POLQ: variants seen among roughly 807,000 people sequenced by gnomAD.
POLQ encodes the protein DNA polymerase theta.
A neutral mutation model predicts 259.2 loss-of-function variants in POLQ; 233 were observed. The observed-to-expected ratio is 0.90, with a 90% CI of 0.81 to 1.00. The LOEUF (loss-of-function observed/expected upper bound fraction) is 1.00. Among genes scored for constraint, POLQ ranks in the 50% least tolerant of loss-of-function variants. POLQ has a pLI of 0.00. For missense variants in POLQ, 2,871 were observed against 3,051.6 expected, an observed-to-expected ratio of 0.94 and a Z score of 1.39; for synonymous variants, 1,025 against 1,048.8, an observed-to-expected ratio of 0.98 and a Z score of 0.44.
chr3:121,449,154 T>C (rs2047653035), intron 26 of POLQ, among the ~76,000 whole-genome samples, 161 bp downstream of exon 26: 1 of 152,212 alleles, frequency 6.6e-6, no homozygotes, highest in African/African-American at 2.4e-5. Context: ...GATTATTACA[T>C]CTTAGTAAGT....
At chr3:121,473,529 C>G (rs766957741) in intron 20 of POLQ, 42 bp from the exon 21 acceptor site, 1 of 1,511,258 alleles carries the variant, frequency 6.6e-7, no homozygotes. Context: ...ATGAAACTTG[C>G]AAGGATTATC....
chr3:121,459,147 C>T (rs2047768576), intron 25 of POLQ, among the ~76,000 whole-genome samples: 1 of 152,052 alleles, frequency 6.6e-6, no homozygotes, highest in African/African-American at 2.4e-5. Flanking sequence ...GGATCCATTT[C>T]AAAGTTACAA....
At chr3:121,433,864 T>C (rs1344783652) in intron 28 of POLQ, among the ~76,000 whole-genome samples, 1 of 152,148 alleles carries the variant, frequency 6.6e-6, no homozygotes, top group Non-Finnish European at 1.5e-5. Flanking sequence ...ATGAGTAACA[T>C]CTCCCTCAGT....
At chr3:121,440,616 G>A (rs1225230) in intron 26 of POLQ, among the ~76,000 whole-genome samples, 1 of 152,166 alleles carries the variant, frequency 6.6e-6, no homozygotes, top group Admixed American at 6.6e-5. Flanking sequence ...GATTACAGGT[G>A]TGAGCTACTA....
In POLQ at chr3:121,432,430, A is replaced by T. The variant is rs766648105; in HGVS notation, c.7660-13T>A. 21 of 1,599,598 alleles carry T rather than the reference A, an allele frequency of 1.3e-5. No individual in the cohort carries two copies. Among genetic ancestry groups the T allele is most frequent in the Non-Finnish European group, 1.7e-5 (20 of 1,175,586 alleles). On this transcript the variant is annotated splice_polypyrimidine_tract_variant and intron_variant, in intron 29 of 29. Transcript: ENST00000264233. ...CAATCTGAGCTACCTAAGGAAAAAA[A>T]AAATGTAGTTAACAAACTGCCCAGT...
chr3:121,488,791 GTGCTGTTC>G lies in POLQ; in HGVS notation c.4132_4139del (p.Glu1378ProfsTer6). 6.2e-7 allele frequency: 1 copy of G among 1,613,912 alleles called. No homozygotes were observed. Among genetic ancestry groups the G allele is most frequent in the Non-Finnish European group, 8.5e-7 (1 of 1,179,922 alleles). ...GATCTATCTTAGTCGCTCCTAGAGG[GTGCTGTTC>G]AGCAGGAAAAGGAATGTGACACTCC... is the stretch of plus-strand genomic sequence containing the variant. On this transcript the variant is annotated frameshift_variant, in exon 16 of 30. Transcript: ENST00000264233. LOFTEE classifies it high-confidence loss of function.
chr3:121,534,229 T>C (rs1162493409), intron 5 of POLQ, among the ~76,000 whole-genome samples: 3 of 152,162 alleles, frequency 2.0e-5, no homozygotes. Flanking sequence ...GGTTGTGTTT[T>C]TCTTATTCAT....
chr3:121,462,646 T>C (rs1006478681), intron 24 of POLQ, among the ~76,000 whole-genome samples: 1 of 152,190 alleles, frequency 6.6e-6, no homozygotes, highest in African/African-American at 2.4e-5. Context: ...AAATACTGCA[T>C]AGCTTTCAGC....
intron 19 of POLQ, among the ~76,000 whole-genome samples, chr3:121,480,492 C>T (rs539587781): frequency 6.6e-6 from 1 of 152,028 alleles, no homozygotes; most frequent in Admixed American, 6.6e-5. Context: ...CTCCTAACCA[C>T]CCTTTTTTTT....
At chr3:121,509,283 T>C (rs548479402) in intron 12 of POLQ, among the ~76,000 whole-genome samples, 4 of 152,356 alleles carry the variant, frequency 2.6e-5, no homozygotes, top group East Asian at 1.9e-4. Flanking sequence ...CATTTTTCTT[T>C]GCTGTTCTTT....
intron 10 of POLQ, 150 bp from the exon 11 acceptor site, chr3:121,510,393 C>T (rs1162641197): frequency 9.9e-6 from 6 of 605,382 alleles, no homozygotes; most frequent in East Asian, 5.6e-5. Flanking sequence ...CTGGTTAACA[C>T]GGTGAAACCC....
At position 121,480,781 on chromosome 3, in the gene POLQ, T is replaced by C. The variant is rs534591889; in HGVS notation, c.6211+791A>G. On this transcript the variant is annotated intron_variant, in intron 19 of 29. Transcript: ENST00000264233. The stretch of plus-strand genomic sequence containing the variant: ...TCTTATTTAATCCTTAGAACAACTT[T>C]ATAAGAACCAGACTTACAGTTTCAG... 2.0e-5 allele frequency among the ~76,000 whole-genome samples: 3 copies of C among 152,342 alleles called. No individual in the cohort carries two copies. The South Asian group carries it at 6.2e-4, about 32-fold the overall frequency.
intron 13 of POLQ, 99 bp from the exon 14 acceptor site, chr3:121,497,031 G>C: frequency 2.6e-6 from 3 of 1,172,478 alleles, no homozygotes. Flanking sequence ...GGCAACAGAG[G>C]GCTTATATAA....
chr3:121,513,421 G>T (rs2048270051), intron 9 of POLQ, among the ~76,000 whole-genome samples: 1 of 151,454 alleles, frequency 6.6e-6, no homozygotes, highest in Non-Finnish European at 1.5e-5. Context: ...GGCCAACATG[G>T]TGAAACCCCG....
rs1333716948 is a variant in POLQ at position 121,487,503 on chromosome 3, G to A, written c.5428C>T (p.Gln1810Ter). The change falls in exon 16 of 30, where the codon CAG (glutamine) becomes TAG (stop). Residue 1810 changes from glutamine (Q) to a stop codon, truncating the protein, a stop_gained. Transcript: ENST00000264233. LOFTEE classifies it high-confidence loss of function. ...SDTSFSLQLSQDGLQLTPASS... is the reference protein window; with the variant it reads ...SDTSFSLQLS ...GCTGGAGTTAACTGTAATCCATCCT[G>A]TGATAACTGAAGTGAAAAGCTTGTG... 1 of 1,614,078 alleles carries A rather than the reference G, an allele frequency of 6.2e-7. No individual in the cohort carries two copies.
intron 27 of POLQ, among the ~76,000 whole-genome samples, chr3:121,437,267 AG>A (rs2047551402): frequency 1.3e-5 from 2 of 152,292 alleles, no homozygotes; most frequent in Admixed American, 1.3e-4. Flanking sequence ...GTGGGAGAAA[AG>A]GCCAGACACA....
chr3:121,522,394 C>T (rs2048343989), intron 7 of POLQ, among the ~76,000 whole-genome samples: 1 of 127,690 alleles, frequency 7.8e-6, no homozygotes, highest in Admixed American at 8.5e-5. Flanking sequence ...TCACTGCAAG[C>T]TCCGCTTCCC....
intron 26 of POLQ, among the ~76,000 whole-genome samples, chr3:121,442,934 A>G (rs955756149): frequency 1.3e-5 from 2 of 152,106 alleles, no homozygotes; most frequent in African/African-American, 4.8e-5. Flanking sequence ...ACCTCAGCTC[A>G]TTGCAACCTC....
intron 12 of POLQ, among the ~76,000 whole-genome samples, chr3:121,501,473 A>C (rs2048167395): frequency 6.8e-6 from 1 of 147,234 alleles, no homozygotes; most frequent in Admixed American, 6.8e-5. Context: ...TCCCGGCTAA[A>C]ACGGTGAAAC....
Sources: allele counts gnomAD v4.1 joint callset (sites outside exome capture counted in the v4.1 genomes callset), GRCh38; gene constraint gnomAD v4.1.1; transcripts MANE v1.5; gene names NCBI Gene and HGNC (gene_info 2026-07-23, HGNC 2026-07-21).